MAMDC2: variants seen among roughly 807,000 people sequenced by gnomAD.
MAMDC2 encodes the protein MAM domain containing 2, also known as MAM domain-containing protein 2.
In MAMDC2, 57 loss-of-function variants were observed where a neutral mutation model predicts 89.8. The ratio of observed to expected loss-of-function variants is 0.63; its 90% confidence interval spans 0.51 to 0.79. The LOEUF (loss-of-function observed/expected upper bound fraction) is 0.79, where lower values mean the gene tolerates loss of function less well. Ranked by LOEUF, MAMDC2 falls within the 30% of genes least tolerant of loss-of-function variation. The probability of loss-of-function intolerance (pLI) is 0.00; values close to 1 mark genes in which losing one functional copy is unlikely to be tolerated. For synonymous variants in MAMDC2, 313 were observed against 293.4 expected (o/e 1.07, Z -0.68); for missense variants, 800 against 820.6 (o/e 0.97, Z 0.31).
chr9:70,088,248 G>C (rs1015866185), intron 2 of MAMDC2: 3 of 152,032 alleles, frequency 2.0e-5, no homozygotes, highest in African/African-American at 4.8e-5. Context: ...AGAAAACCCT[G>C]CCTTTTAGGT....
rs780960277 is a variant in MAMDC2 at position 70,112,988 on chromosome 9, T to C, written c.506-7T>C. On this transcript the variant is annotated splice_polypyrimidine_tract_variant and splice_region_variant and intron_variant, in intron 4 of 13. Coordinates refer to ENST00000377182, the MANE Select transcript of MAMDC2 (RefSeq NM_153267.5). The stretch of plus-strand genomic sequence containing the variant: ...CTCCATGAAGTGTTTTTGTTTCCCT[T>C]CCCCAGAATGTGACTTTGAAGAAAA... 1.2e-6 allele frequency: 2 copies of C among 1,614,032 alleles called. No homozygotes were observed. Among genetic ancestry groups the C allele is most frequent in the Admixed American group, 3.3e-5 (2 of 60,006 alleles).
intron 11 of MAMDC2, among the ~76,000 whole-genome samples, chr9:70,193,825 A>C (rs73448674): frequency 3.3e-5 from 5 of 152,062 alleles, no homozygotes; most frequent in African/African-American, 1.2e-4. Context: ...GTATTTGTAG[A>C]TTGAATTCTG....
At chr9:70,120,805 T>C (rs2030249932) in intron 5 of MAMDC2, among the ~76,000 whole-genome samples, 1 of 152,220 alleles carries the variant, frequency 6.6e-6, no homozygotes, top group Admixed American at 6.5e-5. Context: ...AGAGTCTGAC[T>C]TTATCATAGT....
intron 2 of MAMDC2, chr9:70,062,609 A>T (rs1292296653): frequency 6.6e-6 from 1 of 152,148 alleles, no homozygotes; most frequent in East Asian, 1.9e-4. Flanking sequence ...AGTGAAATGG[A>T]CTTGCACTTC....
chr9:70,143,151 T>C (rs2031282914), intron 8 of MAMDC2, among the ~76,000 whole-genome samples: 1 of 152,192 alleles, frequency 6.6e-6, no homozygotes, highest in Admixed American at 6.5e-5. Flanking sequence ...AAGGAGATAA[T>C]AAGGAAGAAT....
intron 12 of MAMDC2, among the ~76,000 whole-genome samples, chr9:70,223,389 T>C (rs748910587): frequency 6.6e-6 from 1 of 152,180 alleles, no homozygotes; most frequent in African/African-American, 2.4e-5. Flanking sequence ...TGTATATACC[T>C]GTCGGGCACA....
intron 12 of MAMDC2, among the ~76,000 whole-genome samples, chr9:70,225,303 G>GATC (rs879303901): frequency 1.3e-5 from 2 of 152,036 alleles, no homozygotes; most frequent in Non-Finnish European, 2.9e-5. Flanking sequence ...GGTATCATCG[G>GATC]TCATATTAAA....
intron 11 of MAMDC2, among the ~76,000 whole-genome samples, chr9:70,211,272 T>C (rs1446228721): frequency 6.6e-6 from 1 of 152,270 alleles, no homozygotes; most frequent in Non-Finnish European, 1.5e-5. Flanking sequence ...CAATCAGATG[T>C]AGATTTGGTC....
chr9:70,049,590 G>T (rs1406504661), intron 2 of MAMDC2, among the ~76,000 whole-genome samples: 1 of 152,146 alleles, frequency 6.6e-6, no homozygotes, highest in Non-Finnish European at 1.5e-5. Context: ...TCTGCATGGG[G>T]CTACTTGGTC....
At chr9:70,156,131 G>A (rs118008028) in intron 9 of MAMDC2, among the ~76,000 whole-genome samples, 1 of 152,014 alleles carries the variant, frequency 6.6e-6, no homozygotes, top group Non-Finnish European at 1.5e-5. Context: ...GTGCAACATG[G>A]TTCTTGTTGG....
chr9:70,106,959 A>G (rs1828358302), intron 2 of MAMDC2, among the ~76,000 whole-genome samples: 1 of 152,172 alleles, frequency 6.6e-6, no homozygotes, highest in Non-Finnish European at 1.5e-5. Flanking sequence ...GCGTGGGAGG[A>G]CAGGCTGAAG....
At chr9:70,202,015 C>G (rs1232000666) in intron 11 of MAMDC2, among the ~76,000 whole-genome samples, 1 of 149,334 alleles carries the variant, frequency 6.7e-6, no homozygotes, top group African/African-American at 2.4e-5. Context: ...CTCCTGGATT[C>G]ATAGATTTTT....
At chr9:70,208,363 G>T (rs922321536) in intron 11 of MAMDC2, among the ~76,000 whole-genome samples, 3 of 152,098 alleles carry the variant, frequency 2.0e-5, no homozygotes, top group Non-Finnish European at 4.4e-5. Flanking sequence ...TTGTAAGTTG[G>T]ATTCCTAGGT....
intron 11 of MAMDC2, among the ~76,000 whole-genome samples, chr9:70,184,625 A>C (rs2032711617): frequency 6.6e-6 from 1 of 151,554 alleles, no homozygotes; most frequent in South Asian, 2.1e-4. Context: ...TTATTTCAGT[A>C]AGTTGATCCT....
intron 2 of MAMDC2, chr9:70,088,786 A>G (rs551779051): frequency 7.9e-5 from 12 of 152,204 alleles, no homozygotes; most frequent in African/African-American, 2.6e-4. Context: ...TATTAGTACC[A>G]TTGGTGCACA....
intron 2 of MAMDC2, among the ~76,000 whole-genome samples, chr9:70,103,417 A>C (rs901059177): frequency 3.7e-4 from 56 of 152,154 alleles, no homozygotes; most frequent in Admixed American, 1.4e-3. Flanking sequence ...CGAATTGAGA[A>C]GTCCAGAAAT....
chr9:70,063,000 A>C (rs1384283097), intron 2 of MAMDC2: 1 of 152,374 alleles, frequency 6.6e-6, no homozygotes, highest in Non-Finnish European at 1.5e-5. Context: ...GACTAGGCGT[A>C]ATTCTAGCAT....
intron 11 of MAMDC2, among the ~76,000 whole-genome samples, chr9:70,198,326 T>C (rs962156023): frequency 6.6e-6 from 1 of 152,114 alleles, no homozygotes; most frequent in African/African-American, 2.4e-5. Context: ...AACTTGAGAC[T>C]ACAGTATTAT....
intron 9 of MAMDC2, among the ~76,000 whole-genome samples, chr9:70,151,496 A>C (rs541265931): frequency 4.6e-5 from 7 of 152,308 alleles, no homozygotes; most frequent in African/African-American, 1.7e-4. Context: ...TTTGTTTGGT[A>C]CGTATGTGGT....
Sources: gnomAD v4.1 joint callset for allele counts (sites outside exome capture counted in the v4.1 genomes callset) on GRCh38, gnomAD v4.1.1 for gene constraint, MANE v1.5 for transcripts, NCBI Gene and HGNC (gene_info 2026-07-23, HGNC 2026-07-21) for gene names.